The following PDK2 variants were observed in gnomAD, a reference collection of about 807,000 sequenced individuals.
PDK2 encodes the protein pyruvate dehydrogenase kinase, isozyme 2.
A neutral mutation model predicts 50.4 loss-of-function variants in PDK2; 34 were observed. The ratio of observed to expected loss-of-function variants is 0.68; its 90% confidence interval spans 0.51 to 0.90. PDK2 has a LOEUF of 0.90. Ranked by LOEUF, PDK2 falls within the 40% of genes least tolerant of loss-of-function variation. The pLI, the probability that PDK2 is intolerant of heterozygous loss-of-function variation, is 0.00. For missense variants in PDK2, 377 were observed against 544.5 expected (o/e 0.69, Z 3.06); for synonymous variants, 232 against 216.0 (o/e 1.07, Z -0.65).
At chr17:50,108,293 C>T (rs1170584055) in intron 7 of PDK2, 26 bp from the exon 8 acceptor site, 3 of 1,609,942 alleles carry the variant, frequency 1.9e-6, no homozygotes, top group Admixed American at 3.3e-5. Flanking sequence ...TTCTCCCATG[C>T]ATCTCTTACC....
intron 2 of PDK2, chr17:50,105,165 G>C: frequency 2.1e-6 from 1 of 475,794 alleles, no homozygotes. Flanking sequence ...CAGCAAATTT[G>C]AAGTTTTCTT....
At position 50,097,330 on chromosome 17, in the gene PDK2, C is replaced by A. The variant is rs1910001106; in HGVS notation, c.119-93C>A. 3.0e-6 allele frequency: 4 copies of A among 1,335,986 alleles called. No homozygotes were observed. The South Asian group carries it at 5.2e-5, about 17-fold the overall frequency. The allele number at this position is 1,335,986 out of a possible 1,614,324, so 82.8% of individuals were successfully genotyped here. A position where few individuals can be genotyped will look rare whatever the true frequency, so the allele number is the denominator to read the frequency against. On this transcript the variant is annotated intron_variant, in intron 1 of 10. Coordinates refer to ENST00000503176, the MANE Select transcript of PDK2 (RefSeq NM_002611.5). ...GGGCAGGTCACTTGCTCTCTGAGCC[C>A]CCTGTTAATGAAGGGTTTAGCTGAC...
At chr17:50,107,285 T>G in intron 6 of PDK2, 132 bp downstream of exon 6, 2 of 691,544 alleles carry the variant, frequency 2.9e-6, no homozygotes, top group Non-Finnish European at 2.5e-6. Context: ...ATTAATTCAT[T>G]TGATAAATAT....
intron 2 of PDK2, among the ~76,000 whole-genome samples, chr17:50,102,869 G>A (rs377546712): frequency 1.3e-4 from 20 of 152,330 alleles, no homozygotes; most frequent in East Asian, 1.2e-3. Flanking sequence ...CGGCATCACC[G>A]TCAGGGCCCG....
intron 2 of PDK2, 91 bp from the exon 3 acceptor site, chr17:50,105,280 C>G (rs947940078): frequency 1.2e-6 from 1 of 828,066 alleles, no homozygotes. Context: ...CGCGTAGGAG[C>G]AGGACAAGAG....
In PDK2 at chr17:50,109,187, G is replaced by A. The variant is rs1910687521; in HGVS notation, c.970-100G>A. The A allele has an allele frequency of 3.0e-6, 2 of 674,556 alleles. No homozygotes were observed. The highest frequency in any genetic ancestry group is 5.4e-5 in the Admixed American group (2 of 37,134). The allele number at this position is 674,556 out of a possible 1,614,324, so 41.8% of individuals were successfully genotyped here. On this transcript the variant is annotated intron_variant, in intron 9 of 10. Transcript: ENST00000503176. This position sits in a 1 kb window ranked among gnomAD's most constrained non-coding sequence, Gnocchi z 5.0. ...CCCAGCTCTGGGACCCCTGCCATGT[G>A]ACCCCAGCTCCACACCCTTCCCTCC...
chr17:50,109,228 C>T lies in PDK2; in HGVS notation c.970-59C>T, dbSNP rs1435768546. ...CCTTCCCTCCCTGCATCAGTCCCTG[C>T]AGCTCCAGGAGGCCCCTGCCAGCCT... On this transcript the variant is annotated intron_variant, in intron 9 of 10. Transcript: ENST00000503176. This position sits in a 1 kb window ranked among gnomAD's most constrained non-coding sequence, Gnocchi z 5.0. 3.8e-6 allele frequency: 4 copies of T among 1,065,002 alleles called. No homozygotes were observed. The highest frequency in any genetic ancestry group is 4.3e-6 in the Non-Finnish European group (3 of 699,940). 66.0% of individuals were successfully genotyped at this position (1,065,002 alleles called of 1,614,324 possible). A position where few individuals can be genotyped will look rare whatever the true frequency, so the allele number is the denominator to read the frequency against.
At chr17:50,106,321 A>G (rs1467797897) in intron 4 of PDK2, 1 of 913,418 alleles carries the variant, frequency 1.1e-6, no homozygotes, top group Non-Finnish European at 1.5e-6. Flanking sequence ...ACATCTTTAA[A>G]AGAATGTTTA....
At chr17:50,097,783 C>A in intron 2 of PDK2, 1 of 514,582 alleles carries the variant, frequency 1.9e-6, no homozygotes, top group Non-Finnish European at 3.5e-6. Context: ...TAGCCCTCTT[C>A]TTACCACCCA....
At position 50,108,356 on chromosome 17, in the gene PDK2, G is replaced by C; in HGVS notation, c.800G>C (p.Ser267Thr). The C allele has an allele frequency of 6.2e-7, 1 of 1,614,138 alleles. No homozygotes were observed. Among genetic ancestry groups the C allele is most frequent in the Non-Finnish European group, 8.5e-7 (1 of 1,179,994 alleles). Residue 267 changes from serine (S) to threonine (T), a missense_variant, in exon 8 of 11, where the codon AGC becomes ACC. Transcript: ENST00000503176. ...MRATVESHESSLILPPIKVMV... is the reference protein window; with the variant it reads ...MRATVESHESTLILPPIKVMV... ...GCGACTGTGGAAAGCCATGAGTCCA[G>C]CCTCATTCTCCCACCCATCAAGGTC...
rs847691 is a variant in PDK2 at position 50,109,829 on chromosome 17, A to G, written c.1084-128A>G. 0.034 allele frequency: 35,707 copies of G among 1,054,774 alleles called. 662 individuals carry two copies. Among genetic ancestry groups the G allele is most frequent in the Admixed American group, 0.057 (1,908 of 33,198 alleles). The allele number at this position is 1,054,774 out of a possible 1,614,324, so 65.3% of individuals were successfully genotyped here. A position where few individuals can be genotyped will look rare whatever the true frequency, so the allele number is the denominator to read the frequency against. ...GCAGGAGCGGGACACAGGAGGGACC[A>G]CCCTTTTGTGGTCTTTCCAGGCCCC... On this transcript the variant is annotated intron_variant, in intron 10 of 10. Coordinates refer to ENST00000503176, the MANE Select transcript of PDK2 (RefSeq NM_002611.5). This position sits in a 1 kb window ranked among gnomAD's most constrained non-coding sequence, Gnocchi z 5.0.
chr17:50,108,134 T>C (rs1291406631), intron 6 of PDK2, 22 bp from the exon 7 acceptor site: 3 of 1,575,048 alleles, frequency 1.9e-6, no homozygotes, highest in Middle Eastern at 1.7e-4. Context: ...TTCCTGACCC[T>C]TGGTCTTGAC....
chr17:50,095,581 A>G (rs1341081934), intron 1 of PDK2, 28 bp downstream of exon 1: 1 of 1,569,532 alleles, frequency 6.4e-7, no homozygotes. Context: ...GGCGGCTGGC[A>G]GCGGAGGCCG....
Position 50,109,244 on chromosome 17 carries a change from C to T in PDK2, c.970-43C>T, listed in dbSNP as rs571238909. The T allele has an allele frequency of 7.5e-7, 1 of 1,326,956 alleles. No individual in the cohort carries two copies. Among genetic ancestry groups the T allele is most frequent in the East Asian group, 2.3e-5 (1 of 43,208 alleles). The allele number at this position is 1,326,956 out of a possible 1,614,324, so 82.2% of individuals were successfully genotyped here. On this transcript the variant is annotated intron_variant, in intron 9 of 10. Coordinates refer to ENST00000503176, the MANE Select transcript of PDK2 (RefSeq NM_002611.5). This position sits in a 1 kb window ranked among gnomAD's most constrained non-coding sequence, Gnocchi z 5.0. ...CAGTCCCTGCAGCTCCAGGAGGCCC[C>T]TGCCAGCCTCCTCATCCTCACTGCC...
upstream of PDK2, chr17:50,095,346 G>C (rs1909871556): frequency 5.6e-6 from 5 of 889,218 alleles, no homozygotes; most frequent in Non-Finnish European, 8.7e-6. Context: ...CAAGGGTAGG[G>C]AGGAGGCGGC....
rs1910629056 is a variant in PDK2, at chr17:50,108,309, C to T, written c.763-10C>T. 4 of 1,612,682 alleles carry T rather than the reference C, an allele frequency of 2.5e-6. No homozygotes were observed. The highest frequency in any genetic ancestry group is 3.4e-6 in the Non-Finnish European group (4 of 1,178,900). Reference sequence around the variant, plus strand: ...TCTCCCATGCATCTCTTACCTCTGCCCCTCCGCAGAATGCCATGAGGGCGA... The same window carrying T: ...TCTCCCATGCATCTCTTACCTCTGCTCCTCCGCAGAATGCCATGAGGGCGA... On this transcript the variant is annotated splice_polypyrimidine_tract_variant and intron_variant, in intron 7 of 10. Transcript: ENST00000503176.
intron 2 of PDK2, among the ~76,000 whole-genome samples, chr17:50,102,205 A>T (rs993661717): frequency 2.0e-5 from 3 of 152,098 alleles, no homozygotes; most frequent in African/African-American, 7.2e-5. Flanking sequence ...GAAAATCCTC[A>T]TCCTCTCCCC....
At chr17:50,105,261 T>G in intron 2 of PDK2, 110 bp from the exon 3 acceptor site, 1 of 625,696 alleles carries the variant, frequency 1.6e-6, no homozygotes, top group South Asian at 2.8e-5. Context: ...GGCAGCTCTG[T>G]GTGGGGCCCG....
Position 50,109,060 on chromosome 17 carries a change from G to T in PDK2, c.970-227G>T, listed in dbSNP as rs564791586. 3.1e-4 allele frequency among the ~76,000 whole-genome samples: 47 copies of T among 152,158 alleles called. No individual in the cohort carries two copies. The highest frequency in any genetic ancestry group is 1.0e-3 in the African/African-American group (42 of 41,508). On this transcript the variant is annotated intron_variant, in intron 9 of 10. Coordinates refer to ENST00000503176, the MANE Select transcript of PDK2 (RefSeq NM_002611.5). The surrounding 1 kb of genome is among the most constrained non-coding windows in gnomAD (Gnocchi z 5.0). The stretch of plus-strand genomic sequence containing the variant: ...CCTGCTCTGACTTCCTGGCCCCTGA[G>T]CGGAACTCCTCTCTCTGCCCAAGCC...
Sources: allele counts gnomAD v4.1 joint callset (sites outside exome capture counted in the v4.1 genomes callset), GRCh38; gene constraint gnomAD v4.1.1; non-coding constraint Gnocchi (gnomAD v3.1); transcripts MANE v1.5; gene names NCBI Gene and HGNC (gene_info 2026-07-23, HGNC 2026-07-21).